NUDCD1: variants seen among roughly 807,000 people sequenced by gnomAD.
NUDCD1 encodes NudC domain containing 1, also known as nudC domain-containing protein 1.
A neutral mutation model predicts 67.8 loss-of-function variants in NUDCD1; 60 were observed. The observed-to-expected ratio is 0.88, with a 90% CI of 0.72 to 1.10. The LOEUF is 1.10. Ranked by LOEUF, NUDCD1 falls within the 50% of genes least tolerant of loss-of-function variation. NUDCD1 has a pLI of 0.00. For missense variants in NUDCD1, 643 were observed against 695.0 expected (o/e 0.93, Z 0.84); for synonymous variants, 244 against 230.8 (o/e 1.06, Z -0.52).
At chr8:109,275,523 G>A in intron 6 of NUDCD1, 27 bp from the exon 7 acceptor site, 2 of 1,579,104 alleles carry the variant, frequency 1.3e-6, no homozygotes, top group Non-Finnish European at 1.7e-6. Flanking sequence ...GAAAAGTAAT[G>A]TTACATTAAG....
At chr8:109,331,552 C>T (rs1246876273) in intron 1 of NUDCD1, among the ~76,000 whole-genome samples, 1 of 150,764 alleles carries the variant, frequency 6.6e-6, no homozygotes, top group East Asian at 1.9e-4. Context: ...TCAAATGGCA[C>T]CTGATATCCT....
chr8:109,329,769 T>A, intron 1 of NUDCD1: 1 of 1,531,554 alleles, frequency 6.5e-7, no homozygotes, highest in Non-Finnish European at 8.8e-7. Flanking sequence ...TTCATAAAGC[T>A]GTTTAATTTG....
chr8:109,256,700 A>T (rs1243209683), intron 8 of NUDCD1, among the ~76,000 whole-genome samples: 4 of 152,196 alleles, frequency 2.6e-5, no homozygotes, highest in African/African-American at 9.6e-5. Flanking sequence ...TAGACATCAC[A>T]TAATGAAATA....
chr8:109,292,922 T>G (rs1814741889), intron 4 of NUDCD1, among the ~76,000 whole-genome samples: 1 of 152,054 alleles, frequency 6.6e-6, no homozygotes, highest in Non-Finnish European at 1.5e-5. Flanking sequence ...ATACCTGTAC[T>G]TTAATGAAAT....
At chr8:109,265,397 T>A (rs1161474351) in intron 8 of NUDCD1, among the ~76,000 whole-genome samples, 3 of 152,210 alleles carry the variant, frequency 2.0e-5, no homozygotes, top group Non-Finnish European at 4.4e-5. Flanking sequence ...TAAATGTTTT[T>A]TAAACTATTA....
chr8:109,245,201 C>T (rs1219596421), intron 9 of NUDCD1, 121 bp downstream of exon 9: 3 of 917,166 alleles, frequency 3.3e-6, no homozygotes, highest in East Asian at 2.7e-5. Context: ...AATCATAGCG[C>T]AAATCAATCT....
intron 2 of NUDCD1, among the ~76,000 whole-genome samples, chr8:109,312,000 A>G (rs1815264965): frequency 6.6e-6 from 1 of 152,052 alleles, no homozygotes; most frequent in African/African-American, 2.4e-5. Flanking sequence ...TGAACGGGAC[A>G]ACTATAGTTT....
At chr8:109,311,107 C>A (rs537851499) in intron 2 of NUDCD1, among the ~76,000 whole-genome samples, 15 of 152,230 alleles carry the variant, frequency 9.9e-5, no homozygotes, top group South Asian at 8.3e-4. Context: ...AGCCACCACA[C>A]CTGGCCATGA....
intron 7 of NUDCD1, among the ~76,000 whole-genome samples, chr8:109,275,020 T>C (rs1404636472): frequency 6.6e-6 from 1 of 152,110 alleles, no homozygotes; most frequent in African/African-American, 2.4e-5. Flanking sequence ...AGCAAATAAA[T>C]TGTAACATAA....
intron 2 of NUDCD1, among the ~76,000 whole-genome samples, chr8:109,301,190 T>C (rs956877659): frequency 2.0e-5 from 3 of 152,210 alleles, no homozygotes; most frequent in Admixed American, 1.3e-4. Flanking sequence ...TAGTCTTAAC[T>C]GATGACATTC....
chr8:109,307,103 T>C (rs193000145), intron 2 of NUDCD1, among the ~76,000 whole-genome samples: 2 of 152,272 alleles, frequency 1.3e-5, no homozygotes, highest in East Asian at 1.9e-4. Flanking sequence ...CCAGATGGCC[T>C]GAAACAACTG....
chr8:109,326,491 T>A (rs980623565), intron 1 of NUDCD1, among the ~76,000 whole-genome samples: 1 of 152,046 alleles, frequency 6.6e-6, no homozygotes, highest in Non-Finnish European at 1.5e-5. Context: ...AAAAAAGAAG[T>A]AGGGGGCAGC....
intron 9 of NUDCD1, 53 bp from the exon 10 acceptor site, chr8:109,243,354 GA>G: frequency 2.2e-6 from 3 of 1,354,134 alleles, no homozygotes; most frequent in African/African-American, 1.5e-5. Context: ...AACAGAAGGG[GA>G]AAAATGATGA....
chr8:109,271,327 T>C (rs1814151575), intron 7 of NUDCD1, among the ~76,000 whole-genome samples, 197 bp from the exon 8 acceptor site: 1 of 152,060 alleles, frequency 6.6e-6, no homozygotes, highest in Non-Finnish European at 1.5e-5. Flanking sequence ...ACAGGTATTA[T>C]AAACAGTTCC....
chr8:109,286,832 A>C (rs1814584618), intron 5 of NUDCD1, among the ~76,000 whole-genome samples: 1 of 152,078 alleles, frequency 6.6e-6, no homozygotes, highest in Admixed American at 6.6e-5. Context: ...ATGAGTAAAC[A>C]AACTATAGAA....
intron 8 of NUDCD1, among the ~76,000 whole-genome samples, chr8:109,268,885 T>C (rs923807805): frequency 6.6e-6 from 1 of 152,164 alleles, no homozygotes; most frequent in Non-Finnish European, 1.5e-5. Context: ...TATGGGATTA[T>C]GTCAAAACTA....
At chr8:109,331,239 G>T (rs888324865) in intron 1 of NUDCD1, among the ~76,000 whole-genome samples, 5 of 152,132 alleles carry the variant, frequency 3.3e-5, no homozygotes, top group Admixed American at 6.5e-5. Context: ...AGAGGCTGGG[G>T]CAGAGAACTG....
chr8:109,305,424 C>A (rs113377288), intron 2 of NUDCD1, among the ~76,000 whole-genome samples: 11,508 of 152,094 alleles, frequency 0.076, 669 homozygotes, highest in South Asian at 0.22. Context: ...AACTTCATAC[C>A]CCTTACTGTC....
intron 1 of NUDCD1, among the ~76,000 whole-genome samples, chr8:109,327,441 GAAGA>G (rs1468222882): frequency 1.3e-5 from 2 of 152,002 alleles, no homozygotes; most frequent in Non-Finnish European, 2.9e-5. Flanking sequence ...CCTCTGCTCT[GAAGA>G]AAGAAAAAGG....
Sources: gnomAD v4.1 joint callset for allele counts (sites outside exome capture counted in the v4.1 genomes callset) on GRCh38, gnomAD v4.1.1 for gene constraint, MANE v1.5 for transcripts, NCBI Gene and HGNC (gene_info 2026-07-23, HGNC 2026-07-21) for gene names.